The following CPED1 variants were observed in gnomAD, a reference collection of about 807,000 sequenced individuals.
CPED1 encodes the protein cadherin like and PC-esterase domain containing 1, also known as cadherin-like and PC-esterase domain-containing protein 1.
CPED1 carries 114 observed loss-of-function variants against 128.2 expected under a neutral mutation model. The observed-to-expected ratio is 0.89, with a 90% CI of 0.76 to 1.04. CPED1 has a LOEUF of 1.04. Ranked by LOEUF, CPED1 falls within the 50% of genes least tolerant of loss-of-function variation. CPED1 has a pLI of 0.00. For synonymous variants in CPED1, 462 were observed against 426.7 expected, an observed-to-expected ratio of 1.08 and a Z score of -1.02; for missense variants, 1,211 against 1,207.1, an observed-to-expected ratio of 1.00 and a Z score of -0.05.
At position 121,296,998 on chromosome 7, in the gene CPED1, AT is replaced by A. The variant is rs1792835110; in HGVS notation, c.*1351del. On this transcript the variant is annotated 3_prime_UTR_variant, in exon 23 of 23. Transcript: ENST00000310396. Reference sequence around the variant, plus strand: ...AATATCCACCTCCTTTAAATACTCTATTTTTATATATATTTTTATATGAAGA... The same window carrying A: ...AATATCCACCTCCTTTAAATACTCTATTTTATATATATTTTTATATGAAGA... The A allele has an allele frequency of 6.6e-6, 1 of 151,954 alleles. No homozygotes were observed. Among genetic ancestry groups the A allele is most frequent in the Non-Finnish European group, 1.5e-5 (1 of 67,912 alleles). The allele number at this position is 151,954 out of a possible 1,614,324, so 9.4% of individuals were successfully genotyped here. A position where few individuals can be genotyped will look rare whatever the true frequency, so the allele number is the denominator to read the frequency against.
chr7:121,187,916 A>G (rs914471083), intron 16 of CPED1, among the ~76,000 whole-genome samples: 2 of 152,162 alleles, frequency 1.3e-5, no homozygotes, highest in Non-Finnish European at 1.5e-5. Context: ...ATATGATGCA[A>G]TGAGGAAGTT....
In CPED1 at chr7:121,008,830, C is replaced by T. The variant is rs139371895; in HGVS notation, c.250-6835C>T. ...CTGTTGCATTCCCAGACCCTAAGAC[C>T]ATGCCTGTTACCTAGAAAATGCTCA... On this transcript the variant is annotated intron_variant, in intron 2 of 22. Coordinates refer to ENST00000310396, the MANE Select transcript of CPED1 (RefSeq NM_024913.5). 2.0e-3 allele frequency among the ~76,000 whole-genome samples: 305 copies of T among 152,008 alleles called. 3 individuals are homozygous for T. Among genetic ancestry groups the T allele is most frequent in the African/African-American group, 7.2e-3 (299 of 41,292 alleles).
intron 8 of CPED1, 23 bp downstream of exon 8, chr7:121,124,496 A>T (rs1795457046): frequency 7.1e-7 from 1 of 1,399,012 alleles, no homozygotes; most frequent in South Asian, 1.6e-5. Context: ...TTTTAATTTA[A>T]AAAAAAAAGA....
At chr7:121,265,882 A>G (rs563377678) in intron 18 of CPED1, among the ~76,000 whole-genome samples, 1 of 152,228 alleles carries the variant, frequency 6.6e-6, no homozygotes, top group South Asian at 2.1e-4. Context: ...AAGTATTCCT[A>G]GAGCACTAAA....
intron 14 of CPED1, among the ~76,000 whole-genome samples, chr7:121,140,161 T>C (rs1224656886): frequency 6.6e-6 from 1 of 152,068 alleles, no homozygotes; most frequent in African/African-American, 2.4e-5. Context: ...AAGGTTTTTT[T>C]AATGCCTCAG....
At chr7:121,270,771 A>G (rs964845603) in intron 21 of CPED1, among the ~76,000 whole-genome samples, 11 of 152,038 alleles carry the variant, frequency 7.2e-5, no homozygotes, top group Admixed American at 1.3e-4. Context: ...TGTTTTGGTT[A>G]CTGTAGCCTT....
intron 5 of CPED1, among the ~76,000 whole-genome samples, chr7:121,068,061 G>T (rs1793889751): frequency 6.6e-6 from 1 of 152,076 alleles, no homozygotes; most frequent in South Asian, 2.1e-4. Flanking sequence ...CCATTCTGTA[G>T]GTCGCCTGTT....
chr7:121,214,486 G>T (rs114019576), intron 16 of CPED1, among the ~76,000 whole-genome samples: 476 of 152,054 alleles, frequency 3.1e-3, no homozygotes, highest in African/African-American at 0.011. Context: ...TAGAGATGAG[G>T]TGTTGCCGTA....
At chr7:121,179,225 G>A (rs1796848892) in intron 16 of CPED1, among the ~76,000 whole-genome samples, 1 of 152,078 alleles carries the variant, frequency 6.6e-6, no homozygotes, top group African/African-American at 2.4e-5. Flanking sequence ...CCCTAGAATG[G>A]TGAGGGCAGA....
chr7:121,077,943 C>T (rs1794176089), intron 5 of CPED1, among the ~76,000 whole-genome samples: 1 of 151,910 alleles, frequency 6.6e-6, no homozygotes, highest in South Asian at 2.1e-4. Context: ...TTAGAATTTA[C>T]CTTGCTCGGT....
chr7:121,095,808 AAACTT>A (rs1310924365), intron 5 of CPED1, among the ~76,000 whole-genome samples: 3 of 152,112 alleles, frequency 2.0e-5, no homozygotes, highest in African/African-American at 7.2e-5. Context: ...TCTTGGCACA[AAACTT>A]AATATGTCTA....
intron 12 of CPED1, among the ~76,000 whole-genome samples, chr7:121,131,989 C>T (rs1439371644): frequency 2.0e-5 from 3 of 148,996 alleles, no homozygotes; most frequent in South Asian, 2.1e-4. Flanking sequence ...GGGAAAAGCA[C>T]GACAAGTTTG....
At position 121,267,136 on chromosome 7, in the gene CPED1, G is replaced by A. The variant is rs11980779; in HGVS notation, c.2634-79G>A. ...TATCACATTCTGAAAGAATTCTATG[G>A]TATTTGTTTATATAAACAACAAACA... On this transcript the variant is annotated intron_variant, in intron 20 of 22. Transcript: ENST00000310396. 3.0e-3 allele frequency: 2,302 copies of A among 768,346 alleles called. 34 individuals carry two copies. The African/African-American group carries it at 0.034, about 11-fold the overall frequency. 47.6% of individuals were successfully genotyped at this position (768,346 alleles called of 1,614,324 possible).
At chr7:121,035,255 G>C (rs1408776613) in intron 3 of CPED1, among the ~76,000 whole-genome samples, 2 of 152,102 alleles carry the variant, frequency 1.3e-5, no homozygotes, top group African/African-American at 4.8e-5. Context: ...ACAAGGATGA[G>C]ATCTGTATTT....
At chr7:120,990,464 TA>T (rs1385862210) in intron 2 of CPED1, among the ~76,000 whole-genome samples, 1 of 152,192 alleles carries the variant, frequency 6.6e-6, no homozygotes, top group Non-Finnish European at 1.5e-5. Flanking sequence ...AAATACAGAT[TA>T]TTCTATATTT....
chr7:121,097,629 C>T (rs925184762), intron 5 of CPED1, 70 bp from the exon 6 acceptor site: 11 of 1,563,058 alleles, frequency 7.0e-6, no homozygotes, highest in South Asian at 1.2e-5. Context: ...ATACAGCATA[C>T]TCTATTTTCA....
At chr7:121,110,963 G>T (rs2116262774) in intron 7 of CPED1, among the ~76,000 whole-genome samples, 1 of 152,300 alleles carries the variant, frequency 6.6e-6, no homozygotes, top group East Asian at 1.9e-4. Flanking sequence ...AAGAATTGGT[G>T]TTGGGGTGTG....
At chr7:121,059,661 A>G (rs1299954677) in intron 4 of CPED1, among the ~76,000 whole-genome samples, 1 of 150,554 alleles carries the variant, frequency 6.6e-6, no homozygotes, top group African/African-American at 2.4e-5. Context: ...TTAATTTATA[A>G]GCACTCCATA....
chr7:121,191,301 A>G lies in CPED1; in HGVS notation c.2056-45413A>G, dbSNP rs562475455. Among the ~76,000 whole-genome samples the G allele has an allele frequency of 2.0e-5, 3 of 152,264 alleles. No individual in the cohort carries two copies. In the East Asian group the frequency reaches 5.8e-4, roughly 29 times the overall value. ...TTATAGGGAAATTCATGCCCTGGTG[A>G]GCAAAGGATACCATAAGCCTACACC... On this transcript the variant is annotated intron_variant, in intron 16 of 22. Coordinates refer to ENST00000310396, the MANE Select transcript of CPED1 (RefSeq NM_024913.5).
Sources: gnomAD v4.1 joint callset for allele counts (sites outside exome capture counted in the v4.1 genomes callset) on GRCh38, gnomAD v4.1.1 for gene constraint, MANE v1.5 for transcripts, NCBI Gene and HGNC (gene_info 2026-07-23, HGNC 2026-07-21) for gene names.